Variants in PDE4B observed in about 807,000 individuals in gnomAD.
The protein encoded by PDE4B is phosphodiesterase 4B.
Under a neutral mutation model 82.2 loss-of-function variants are expected in PDE4B, and 20 were observed. The observed-to-expected ratio is 0.24, with a 90% CI of 0.17 to 0.35. The LOEUF (loss-of-function observed/expected upper bound fraction) is 0.35, where lower values mean the gene tolerates loss of function less well. PDE4B is among the 10% of genes least tolerant of loss of function. The probability of loss-of-function intolerance (pLI) is 1.00; values close to 1 mark genes in which losing one functional copy is unlikely to be tolerated. For missense variants in PDE4B, 655 were observed against 907.2 expected, an observed-to-expected ratio of 0.72 and a Z score of 3.57; for synonymous variants, 320 against 318.9, an observed-to-expected ratio of 1.00 and a Z score of -0.04.
At chr1:65,909,158 C>T (rs1456043288) in intron 1 of PDE4B, among the ~76,000 whole-genome samples, 1 of 151,970 alleles carries the variant, frequency 6.6e-6, no homozygotes, top group Admixed American at 6.6e-5. Flanking sequence ...TATCTGTGCT[C>T]TACTGAGTTC....
chr1:66,368,123 A>C, intron 15 of PDE4B, 58 bp downstream of exon 15: 2 of 1,565,956 alleles, frequency 1.3e-6, no homozygotes, highest in Non-Finnish European at 8.7e-7. Context: ...GCTGAACAAC[A>C]ATTAGAAAAA....
intron 7 of PDE4B, among the ~76,000 whole-genome samples, chr1:66,272,662 C>T (rs1452933992): frequency 2.0e-5 from 3 of 152,012 alleles, no homozygotes; most frequent in Admixed American, 2.0e-4. Flanking sequence ...ACTTCCTCTG[C>T]CTTTGTTTAT....
At chr1:66,334,027 C>A (rs1660322312) in intron 8 of PDE4B, among the ~76,000 whole-genome samples, 1 of 152,198 alleles carries the variant, frequency 6.6e-6, no homozygotes, top group Admixed American at 6.5e-5. Flanking sequence ...TGCTGTGTAA[C>A]TTCTCCAAAT....
rs181851229 is a variant in PDE4B, at chr1:66,288,261, T to A, written c.634+22174T>A. ...TTAAATAGCCAGATCTTATGAGAAA[T>A]CACTCACTACCGCAAACACACCACC... is the stretch of plus-strand genomic sequence containing the variant. On this transcript the variant is annotated intron_variant, in intron 7 of 16. Transcript: ENST00000341517. Among the ~76,000 whole-genome samples the A allele has an allele frequency of 2.3e-3, 353 of 152,040 alleles. 2 individuals carry two copies. The highest frequency in any genetic ancestry group is 0.01 in the Middle Eastern group (3 of 294).
chr1:66,317,222 G>A (rs534607571), intron 7 of PDE4B, among the ~76,000 whole-genome samples: 1 of 152,176 alleles, frequency 6.6e-6, no homozygotes. Context: ...TCTTTGTTCA[G>A]TGTCTTCATT....
intron 3 of PDE4B, among the ~76,000 whole-genome samples, chr1:66,174,667 A>G (rs1175359281): frequency 4.6e-5 from 7 of 152,126 alleles, no homozygotes; most frequent in African/African-American, 1.7e-4. Context: ...GAGGCAGGAG[A>G]ATGACTTGAA....
intron 3 of PDE4B, among the ~76,000 whole-genome samples, chr1:66,091,305 G>T (rs1472449435): frequency 2.6e-5 from 4 of 151,914 alleles, no homozygotes; most frequent in African/African-American, 9.7e-5. Flanking sequence ...TGGTTTCCTT[G>T]GTTATATGTA....
chr1:66,289,085 C>T (rs1236312909), intron 7 of PDE4B, among the ~76,000 whole-genome samples: 1 of 151,936 alleles, frequency 6.6e-6, no homozygotes, highest in Non-Finnish European at 1.5e-5. Context: ...GCAACATATA[C>T]CTGGGTCTAC....
In PDE4B at chr1:65,913,258, T is replaced by C. The variant is rs1647117442; in HGVS notation, c.-57T>C. 3 of 1,508,660 alleles carry C rather than the reference T, an allele frequency of 2.0e-6. No individual in the cohort carries two copies. In the Admixed American group the frequency reaches 5.0e-5, roughly 25 times the overall value. The allele number at this position is 1,508,660 out of a possible 1,614,324, so 93.5% of individuals were successfully genotyped here. A position where few individuals can be genotyped will look rare whatever the true frequency, so the allele number is the denominator to read the frequency against. Reference sequence around the variant, plus strand: ...TTTCTCCTGTAGGTATTAAAAAGTGTCAGCAAACTGCATTGAATAACAGAC... The same window carrying C: ...TTTCTCCTGTAGGTATTAAAAAGTGCCAGCAAACTGCATTGAATAACAGAC... On this transcript the variant is annotated 5_prime_UTR_variant, in exon 2 of 17. Coordinates refer to ENST00000341517, the MANE Select transcript of PDE4B (RefSeq NM_002600.4).
In PDE4B at chr1:65,918,655, C is replaced by A; in HGVS notation, c.101C>A (p.Thr34Lys). The change falls in exon 3 of 17, where the codon ACA becomes AAA. Residue 34 changes from threonine to lysine, a missense_variant. Transcript: ENST00000341517. ...LSKSYSSSSN[T>K]LGIDLWRGRR... ...AAATCCTACAGTTCTTCCAGTAACA[C>A]ACTTGGGATCGACCTCTGGAGAGGG... The A allele has an allele frequency of 1.2e-6, 2 of 1,613,714 alleles. No individual in the cohort carries two copies. The highest frequency in any genetic ancestry group is 1.7e-6 in the Non-Finnish European group (2 of 1,179,630).
intron 3 of PDE4B, among the ~76,000 whole-genome samples, chr1:66,173,997 G>A (rs1014228489): frequency 1.2e-4 from 18 of 152,142 alleles, no homozygotes; most frequent in Admixed American, 5.9e-4. Flanking sequence ...GTGTTACTCA[G>A]GCTGGTCTCA....
At chr1:66,277,701 C>A (rs1655990575) in intron 7 of PDE4B, among the ~76,000 whole-genome samples, 1 of 152,288 alleles carries the variant, frequency 6.6e-6, no homozygotes, top group South Asian at 2.1e-4. Flanking sequence ...GCCTTATATG[C>A]ATTTTAAATA....
intron 7 of PDE4B, among the ~76,000 whole-genome samples, chr1:66,313,390 C>A (rs553368738): frequency 6.6e-6 from 1 of 152,184 alleles, no homozygotes; most frequent in South Asian, 2.1e-4. Context: ...CTTCTTGTTG[C>A]CCCTGAACCT....
chr1:66,260,423 A>T (rs946190022), intron 6 of PDE4B, among the ~76,000 whole-genome samples: 7 of 152,012 alleles, frequency 4.6e-5, no homozygotes, highest in Non-Finnish European at 7.3e-5. Context: ...GAAGGTCAGA[A>T]AGCCTGAAGA....
intron 7 of PDE4B, among the ~76,000 whole-genome samples, chr1:66,322,315 T>C (rs29001531): frequency 6.6e-6 from 1 of 151,828 alleles, no homozygotes; most frequent in African/African-American, 2.4e-5. Flanking sequence ...AATAGACAAA[T>C]GGGATCTAAT....
At chr1:65,901,527 C>T (rs368970553) in intron 1 of PDE4B, among the ~76,000 whole-genome samples, 1 of 152,004 alleles carries the variant, frequency 6.6e-6, no homozygotes, top group African/African-American at 2.4e-5. Flanking sequence ...CCATCTGGCC[C>T]AGGGCTTTTT....
At chr1:65,876,504 A>G (rs577617786) in intron 1 of PDE4B, among the ~76,000 whole-genome samples, 1 of 152,258 alleles carries the variant, frequency 6.6e-6, no homozygotes, top group South Asian at 2.1e-4. Flanking sequence ...AGAAACATAA[A>G]ATGGAAATAT....
At chr1:65,912,168 T>G (rs1647100016) in intron 1 of PDE4B, among the ~76,000 whole-genome samples, 1 of 152,186 alleles carries the variant, frequency 6.6e-6, no homozygotes, top group Admixed American at 6.5e-5. Flanking sequence ...GTACATCTTT[T>G]TTCAGTTAAA....
intron 3 of PDE4B, among the ~76,000 whole-genome samples, chr1:66,055,326 T>C (rs1269434199): frequency 6.6e-6 from 1 of 152,238 alleles, no homozygotes; most frequent in African/African-American, 2.4e-5. Flanking sequence ...CTGGCATTTA[T>C]TTAACTTCCT....
Sources: gnomAD v4.1 joint callset for allele counts (sites outside exome capture counted in the v4.1 genomes callset) on GRCh38, gnomAD v4.1.1 for gene constraint, MANE v1.5 for transcripts, NCBI Gene and HGNC (gene_info 2026-07-23, HGNC 2026-07-21) for gene names.